The following GOLPH3L variants were observed in gnomAD, a reference collection of about 807,000 sequenced individuals.
GOLPH3L encodes Golgi phosphoprotein 3-like.
In GOLPH3L, 22 loss-of-function variants were observed where a neutral mutation model predicts 30.3. The ratio of observed to expected loss-of-function variants is 0.73; its 90% CI spans 0.52 to 1.04. The LOEUF (loss-of-function observed/expected upper bound fraction) is 1.04, where lower values mean the gene tolerates loss of function less well. GOLPH3L is among the 50% of genes least tolerant of loss of function. The pLI, the probability that GOLPH3L is intolerant of heterozygous loss-of-function variation, is 0.00. For synonymous variants in GOLPH3L, 120 were observed against 128.2 expected (o/e 0.94, Z 0.43); for missense variants, 303 against 345.8 (o/e 0.88, Z 0.98).
At chr1:150,694,602 A>G in intron 2 of GOLPH3L, 54 bp downstream of exon 2, 1 of 1,123,310 alleles carries the variant, frequency 8.9e-7, no homozygotes, top group Non-Finnish European at 1.3e-6. Context: ...ACTTCCTAAA[A>G]CATTCCAATA....
chr1:150,658,160 C>G (rs141415142), intron 4 of GOLPH3L, among the ~76,000 whole-genome samples: 1 of 152,188 alleles, frequency 6.6e-6, no homozygotes, highest in Non-Finnish European at 1.5e-5. Flanking sequence ...GCAGCCATGT[C>G]GAGACTGATG....
chr1:150,650,535 A>G (rs1650081490), intron 4 of GOLPH3L, among the ~76,000 whole-genome samples: 1 of 152,192 alleles, frequency 6.6e-6, no homozygotes, highest in African/African-American at 2.4e-5. Flanking sequence ...ATGGGTGAGT[A>G]AAGTTGAGCT....
rs1378352537 is a variant in GOLPH3L at position 150,647,445 on chromosome 1, A to T, written c.*876T>A. 6.6e-6 allele frequency: 1 copy of T among 152,068 alleles called. No individual in the cohort carries two copies. Among genetic ancestry groups the T allele is most frequent in the Non-Finnish European group, 1.5e-5 (1 of 68,190 alleles). The allele number at this position is 152,068 out of a possible 1,614,324, so 9.4% of individuals were successfully genotyped here. ...GAGGTCAAGGCTGCAGTCAGCTGTG[A>T]TTGCACTACTGTACTCCTGCCTGGG... On this transcript the variant is annotated 3_prime_UTR_variant, in exon 5 of 5. Coordinates refer to ENST00000271732, the MANE Select transcript of GOLPH3L (RefSeq NM_018178.6).
chr1:150,656,128 T>C (rs1229229794), intron 4 of GOLPH3L, among the ~76,000 whole-genome samples: 1 of 152,214 alleles, frequency 6.6e-6, no homozygotes, highest in Non-Finnish European at 1.5e-5. Flanking sequence ...ATATGGATGA[T>C]GTATTTGTGC....
chr1:150,675,556 A>T (rs1230512203), intron 2 of GOLPH3L, among the ~76,000 whole-genome samples: 2 of 151,994 alleles, frequency 1.3e-5, no homozygotes, highest in Non-Finnish European at 2.9e-5. Context: ...TATATATGTT[A>T]TAAACCTCAA....
chr1:150,650,220 T>A (rs1151917), intron 4 of GOLPH3L, among the ~76,000 whole-genome samples: 10,823 of 152,144 alleles, frequency 0.071, 1,286 homozygotes, highest in African/African-American at 0.25. Context: ...TAAAAGGTCT[T>A]AAGCACAACC....
intron 3 of GOLPH3L, 144 bp downstream of exon 3, chr1:150,663,488 G>T: frequency 1.5e-6 from 1 of 666,606 alleles, no homozygotes; most frequent in Non-Finnish European, 2.5e-6. Context: ...TCTTGCAATA[G>T]GGTAATTAAC....
In GOLPH3L at chr1:150,694,699, G is replaced by A. The variant is rs140725896; in HGVS notation, c.140C>T (p.Thr47Ile). The A allele has an allele frequency of 3.5e-5, 57 of 1,610,720 alleles. No individual in the cohort carries two copies. The highest frequency in any genetic ancestry group is 4.6e-5 in the Non-Finnish European group (54 of 1,178,158). Reference protein sequence around the residue: ...DSGDSKDIRLTLMEEVLLLGL... With the variant: ...DSGDSKDIRLILMEEVLLLGL... ...CAGAAGCAATACTTCTTCCATAAGA[G>A]TAAGGCGGATATCCTTAGAGTCTCC... The change falls in exon 2 of 5, where the codon ACT becomes ATT. Residue 47 changes from threonine (T) to isoleucine (I), a missense_variant. Transcript: ENST00000271732.
At chr1:150,672,546 T>A (rs1466875335) in intron 2 of GOLPH3L, among the ~76,000 whole-genome samples, 3 of 152,196 alleles carry the variant, frequency 2.0e-5, no homozygotes, top group Non-Finnish European at 4.4e-5. Flanking sequence ...TTCTCCTGCC[T>A]CAGCCTCCCG....
chr1:150,662,613 T>C (rs146276289), intron 3 of GOLPH3L, among the ~76,000 whole-genome samples: 23 of 152,188 alleles, frequency 1.5e-4, no homozygotes, highest in Non-Finnish European at 2.5e-4. Context: ...GTAAATGATA[T>C]CTCTGAAAGG....
chr1:150,678,159 CG>C (rs1245150546), intron 2 of GOLPH3L, among the ~76,000 whole-genome samples: 2 of 150,556 alleles, frequency 1.3e-5, no homozygotes, highest in Admixed American at 1.3e-4. Context: ...ATTAGCTGGG[CG>C]TGGTGGCACA....
At chr1:150,685,642 G>A (rs1180212572) in intron 2 of GOLPH3L, among the ~76,000 whole-genome samples, 1 of 151,978 alleles carries the variant, frequency 6.6e-6, no homozygotes, top group Non-Finnish European at 1.5e-5. Flanking sequence ...TTGAACCCAC[G>A]AGGTGGAGGT....
chr1:150,679,277 A>C (rs1302662952), intron 2 of GOLPH3L, among the ~76,000 whole-genome samples: 1 of 152,118 alleles, frequency 6.6e-6, no homozygotes, highest in Non-Finnish European at 1.5e-5. Flanking sequence ...CCAAAGCACT[A>C]CCCCAAATAG....
At chr1:150,684,397 G>A (rs7549795) in intron 2 of GOLPH3L, among the ~76,000 whole-genome samples, 58,600 of 151,792 alleles carry the variant, frequency 0.39, 11,634 homozygotes, top group South Asian at 0.55. Flanking sequence ...GCCTAGGCTC[G>A]TTTCAAACTC....
chr1:150,665,825 A>C (rs952086270), intron 2 of GOLPH3L, among the ~76,000 whole-genome samples: 3 of 152,110 alleles, frequency 2.0e-5, no homozygotes, highest in Admixed American at 6.5e-5. Context: ...TTCTTCCTAA[A>C]GTAGAATTTC....
intron 2 of GOLPH3L, among the ~76,000 whole-genome samples, chr1:150,686,537 T>G (rs1651090762): frequency 6.6e-6 from 1 of 152,140 alleles, no homozygotes; most frequent in South Asian, 2.1e-4. Flanking sequence ...ATTCCACAAT[T>G]TATTGCCCAA....
rs1172842905 is a variant in GOLPH3L at position 150,647,342 on chromosome 1, A to AC, written c.*978_*979insG. The AC allele has an allele frequency of 2.6e-5, 4 of 152,190 alleles. No individual in the cohort carries two copies. Among genetic ancestry groups the AC allele is most frequent in the Non-Finnish European group, 4.4e-5 (3 of 68,042 alleles). 9.4% of individuals were successfully genotyped at this position (152,190 alleles called of 1,614,324 possible). A position where few individuals can be genotyped will look rare whatever the true frequency, so the allele number is the denominator to read the frequency against. ...CGAGACTCTTGTCTAAAACAAACAA[A>AC]AAAAAGCTGAGTATGGTGGCACGTG... On this transcript the variant is annotated 3_prime_UTR_variant, in exon 5 of 5. Coordinates refer to ENST00000271732, the MANE Select transcript of GOLPH3L (RefSeq NM_018178.6).
Position 150,694,835 on chromosome 1 carries a change from T to A in GOLPH3L, c.4A>T (p.Thr2Ser). 1 of 1,600,956 alleles carries A rather than the reference T, an allele frequency of 6.2e-7. No individual in the cohort carries two copies. The highest frequency in any genetic ancestry group is 8.5e-7 in the Non-Finnish European group (1 of 1,174,544). The part of the protein sequence containing the change: M[T>S]TLTHRARRTE... ...CGACGGGCCCGGTGAGTTAAAGTGGTCATTCTCACCTGTTTCTGGAGGGAG... is the reference window on the plus strand; with the variant it reads ...CGACGGGCCCGGTGAGTTAAAGTGGACATTCTCACCTGTTTCTGGAGGGAG... Residue 2 changes from threonine (T) to serine (S), a missense_variant, in exon 2 of 5, where the codon ACC becomes TCC. Thr to Ser is a moderately conservative substitution (Grantham distance 58, BLOSUM62 1). Coordinates refer to ENST00000271732, the MANE Select transcript of GOLPH3L (RefSeq NM_018178.6).
In GOLPH3L at chr1:150,659,112, G is replaced by A. The variant is rs188669465; in HGVS notation, c.430+2702C>T. On this transcript the variant is annotated intron_variant, in intron 4 of 4. Coordinates refer to ENST00000271732, the MANE Select transcript of GOLPH3L (RefSeq NM_018178.6). ...TCAATGATAATTGTGTTATTAATCT[G>A]TGTTGTTTGTCTCTGTATAGTCTGC... 1.1e-3 allele frequency among the ~76,000 whole-genome samples: 164 copies of A among 152,326 alleles called. 1 individual carries two copies. The highest frequency in any genetic ancestry group is 3.9e-3 in the African/African-American group (162 of 41,578).
Sources: gnomAD v4.1 joint callset for allele counts (sites outside exome capture counted in the v4.1 genomes callset) on GRCh38, gnomAD v4.1.1 for gene constraint, MANE v1.5 for transcripts, NCBI Gene and HGNC (gene_info 2026-07-23, HGNC 2026-07-21) for gene names.